The following ABI3BP variants were observed in gnomAD, a reference collection of about 807,000 sequenced individuals.
ABI3BP encodes target of Nesh-SH3.
Under a neutral mutation model 268.6 loss-of-function variants are expected in ABI3BP, and 216 were observed. The ratio of observed to expected loss-of-function variants is 0.80; its 90% CI spans 0.72 to 0.90. The LOEUF is 0.90. ABI3BP is among the 40% of genes least tolerant of loss of function. The pLI is 0.00. For synonymous variants in ABI3BP, 730 were observed against 730.0 expected (o/e 1.00, Z 0.00); for missense variants, 2,090 against 2,182.4 (o/e 0.96, Z 0.84).
rs751093083 is a variant in ABI3BP, at chr3:100,811,326, C to T, written c.3494-49G>A. ...ATTTTAGAAACTGTAAGATATTAAG[C>T]TATAGCATTTTTTTGAATATCAAAT... On this transcript the variant is annotated intron_variant, in intron 47 of 67. Coordinates refer to ENST00000471714, the MANE Select transcript of ABI3BP (RefSeq NM_001375547.2). The T allele has an allele frequency of 4.2e-5, 57 of 1,365,076 alleles. 1 individual carries two copies. In the South Asian group the frequency reaches 7.4e-4, roughly 18 times the overall value. The allele number at this position is 1,365,076 out of a possible 1,614,324, so 84.6% of individuals were successfully genotyped here. A position where few individuals can be genotyped will look rare whatever the true frequency, so the allele number is the denominator to read the frequency against.
chr3:100,794,914 G>T lies in ABI3BP; in HGVS notation c.3946+9C>A, dbSNP rs368856122. ...GCTCTCTTTGAACAAATATTAAAACGAAATTTACCCAGAGTGGTCTGTAGT... is the reference window on the plus strand; with the variant it reads ...GCTCTCTTTGAACAAATATTAAAACTAAATTTACCCAGAGTGGTCTGTAGT... On this transcript the variant is annotated intron_variant, in intron 54 of 67. Transcript: ENST00000471714. 6.4e-7 allele frequency: 1 copy of T among 1,553,460 alleles called. No homozygotes were observed. Among genetic ancestry groups the T allele is most frequent in the Non-Finnish European group, 8.7e-7 (1 of 1,146,078 alleles).
intron 5 of ABI3BP, 81 bp from the exon 6 acceptor site, chr3:100,885,669 C>A: frequency 2.6e-6 from 2 of 780,630 alleles, no homozygotes; most frequent in South Asian, 3.8e-5. Flanking sequence ...ATGAAGACAA[C>A]TACAACTCAT....
rs1384807569 is a variant in ABI3BP, at chr3:100,769,524, T to C, written c.4741+1219A>G. ...GTATTCGATAATTAAATGTATTAGA[T>C]TAACCAGTTCCAACTCAATGTTCCG... On this transcript the variant is annotated intron_variant, in intron 62 of 67. Coordinates refer to ENST00000471714, the MANE Select transcript of ABI3BP (RefSeq NM_001375547.2). Among the ~76,000 whole-genome samples the C allele has an allele frequency of 3.3e-5, 5 of 152,358 alleles. No homozygotes were observed. The South Asian group carries it at 6.2e-4, about 19-fold the overall frequency.
At chr3:100,752,651 C>T (rs1052522118) in intron 66 of ABI3BP, 136 bp downstream of exon 66, 2 of 829,310 alleles carry the variant, frequency 2.4e-6, no homozygotes, top group South Asian at 2.0e-5. Context: ...GTTTCCGTAA[C>T]ATTTTGCTCA....
chr3:100,916,032 T>C lies in ABI3BP; in HGVS notation c.259+10270A>G, dbSNP rs541723138. ...AATTGTTGGCTTTATTGCATGTAGT[T>C]TTTTCCTTGCCCGTGTTTTATATGT... On this transcript the variant is annotated intron_variant, in intron 2 of 67. Coordinates refer to ENST00000471714, the MANE Select transcript of ABI3BP (RefSeq NM_001375547.2). 2.1e-4 allele frequency among the ~76,000 whole-genome samples: 32 copies of C among 152,320 alleles called. 1 individual carries two copies. The South Asian group carries it at 6.4e-3, about 31-fold the overall frequency.
chr3:100,872,654 C>T (rs911753724), intron 9 of ABI3BP, among the ~76,000 whole-genome samples: 1 of 152,138 alleles, frequency 6.6e-6, no homozygotes, highest in Non-Finnish European at 1.5e-5. Context: ...AGTCTCTGGG[C>T]AGAGAACAGG....
intron 2 of ABI3BP, among the ~76,000 whole-genome samples, chr3:100,905,814 A>G (rs889161022): frequency 2.0e-5 from 3 of 152,188 alleles, no homozygotes; most frequent in Non-Finnish European, 4.4e-5. Flanking sequence ...CATGCTAATA[A>G]TTTTAAATTT....
chr3:100,916,064 C>T (rs1173949167), intron 2 of ABI3BP, among the ~76,000 whole-genome samples: 1 of 152,150 alleles, frequency 6.6e-6, no homozygotes, highest in Admixed American at 6.5e-5. Context: ...ATGTGCACCC[C>T]ACAGAGAAGT....
At chr3:100,976,814 C>T (rs2086446692) in intron 1 of ABI3BP, among the ~76,000 whole-genome samples, 1 of 152,146 alleles carries the variant, frequency 6.6e-6, no homozygotes, top group African/African-American at 2.4e-5. Context: ...ATCTGGCTGT[C>T]TTTAAGCTAT....
intron 14 of ABI3BP, 141 bp from the exon 15 acceptor site, chr3:100,852,081 G>T: frequency 1.4e-6 from 1 of 711,428 alleles, no homozygotes; most frequent in Non-Finnish European, 2.3e-6. Flanking sequence ...GCTCCAGGCT[G>T]CCAGCCTTGT....
intron 62 of ABI3BP, among the ~76,000 whole-genome samples, chr3:100,768,503 A>G (rs1425522361): frequency 6.6e-6 from 1 of 152,226 alleles, no homozygotes; most frequent in East Asian, 1.9e-4. Flanking sequence ...TCAGAATTGT[A>G]GCTTTTGAAT....
intron 1 of ABI3BP, among the ~76,000 whole-genome samples, chr3:100,932,242 T>C (rs1350175028): frequency 2.0e-5 from 3 of 151,894 alleles, no homozygotes; most frequent in South Asian, 2.1e-4. Flanking sequence ...CCTAAAACTA[T>C]AAAAACCTCA....
At chr3:100,851,710 C>T (rs921927167) in intron 15 of ABI3BP, among the ~76,000 whole-genome samples, 165 bp downstream of exon 15, 1 of 152,172 alleles carries the variant, frequency 6.6e-6, no homozygotes, top group African/African-American at 2.4e-5. Context: ...GAACTAATCA[C>T]TCTATGGGAG....
Position 100,775,296 on chromosome 3 carries a change from C to T in ABI3BP, c.4373G>A (p.Arg1458Lys), listed in dbSNP as rs1252726514. ...AGTTCCAGTAGGCCTGGGTGTTGAC[C>T]TCAGGGGTGGTGTAGTTATTGGGCC... ...SSGPITTPPL[R>K]STPRPTGTPL... The change falls in exon 60 of 68, where the codon AGG becomes AAG. Residue 1458 changes from arginine (R) to lysine (K), a missense_variant. Transcript: ENST00000471714. 5 of 1,608,764 alleles carry T rather than the reference C, an allele frequency of 3.1e-6. No homozygotes were observed. The highest frequency in any genetic ancestry group is 4.2e-6 in the Non-Finnish European group (5 of 1,177,344).
intron 14 of ABI3BP, among the ~76,000 whole-genome samples, chr3:100,857,457 G>A (rs1354903479): frequency 6.6e-6 from 1 of 152,128 alleles, no homozygotes; most frequent in Non-Finnish European, 1.5e-5. Context: ...TAGTTGAGCT[G>A]GCTATTAACC....
intron 1 of ABI3BP, among the ~76,000 whole-genome samples, chr3:100,988,670 T>G (rs989749470): frequency 2.0e-5 from 3 of 152,180 alleles, no homozygotes; most frequent in African/African-American, 7.2e-5. Context: ...GACCCCTCTC[T>G]ATTGTAATTA....
chr3:100,911,837 G>C, intron 2 of ABI3BP: 1 of 1,596,226 alleles, frequency 6.3e-7, no homozygotes, highest in Non-Finnish European at 8.6e-7. Context: ...GCAAGTTTTT[G>C]TGAAGCAGCC....
Position 100,770,612 on chromosome 3 carries a change from C to A in ABI3BP, c.4741+131G>T, listed in dbSNP as rs2096516689. 7 of 752,716 alleles carry A rather than the reference C, an allele frequency of 9.3e-6. No individual in the cohort carries two copies. In the South Asian group the frequency reaches 2.5e-4, roughly 27 times the overall value. The allele number at this position is 752,716 out of a possible 1,614,324, so 46.6% of individuals were successfully genotyped here. A position where few individuals can be genotyped will look rare whatever the true frequency, so the allele number is the denominator to read the frequency against. On this transcript the variant is annotated intron_variant, in intron 62 of 67. Transcript: ENST00000471714. ...TGTTGACAATAATGTGCCTTAAAGG[C>A]AGCAAAACTGCTAGTTTTGTCTCCT...
At chr3:100,840,365 C>G (rs1458631749) in intron 22 of ABI3BP, among the ~76,000 whole-genome samples, 1 of 152,038 alleles carries the variant, frequency 6.6e-6, no homozygotes, top group African/African-American at 2.4e-5. Context: ...AATAAACTGT[C>G]CAAGAGATCT....
Sources: gnomAD v4.1 joint callset for allele counts (sites outside exome capture counted in the v4.1 genomes callset) on GRCh38, gnomAD v4.1.1 for gene constraint, MANE v1.5 for transcripts, NCBI Gene and HGNC (gene_info 2026-07-23, HGNC 2026-07-21) for gene names.